TTC1: variants seen among roughly 807,000 people sequenced by gnomAD.
TTC1 encodes the protein tetratricopeptide repeat domain 1, also known as tetratricopeptide repeat protein 1.
A neutral mutation model predicts 37.6 loss-of-function variants in TTC1; 31 were observed. The observed-to-expected ratio is 0.82, with a 90% CI of 0.62 to 1.11. The LOEUF (loss-of-function observed/expected upper bound fraction) is 1.11. TTC1 is among the 50% of genes most tolerant of loss of function. The pLI is 0.00. For synonymous variants in TTC1, 127 were observed against 122.4 expected, an observed-to-expected ratio of 1.04 and a Z score of -0.25; for missense variants, 351 against 339.0, an observed-to-expected ratio of 1.04 and a Z score of -0.28.
chr5:160,038,863 A>G (rs1366427367), intron 4 of TTC1: 2 of 151,950 alleles, frequency 1.3e-5, no homozygotes, highest in African/African-American at 4.8e-5. Context: ...GAGTTTCACC[A>G]TGTTGGTCAA....
chr5:160,063,692 C>G (rs1040681486), intron 7 of TTC1: 1 of 152,184 alleles, frequency 6.6e-6, no homozygotes, highest in Admixed American at 6.5e-5. Context: ...AAAATTAAAG[C>G]AGTTTAGAAA....
At chr5:160,039,274 G>C (rs1207748432) in intron 4 of TTC1, 1 of 148,826 alleles carries the variant, frequency 6.7e-6, no homozygotes, top group Non-Finnish European at 1.5e-5. Context: ...TAAAAGAGTA[G>C]GTTCTCTTTT....
At chr5:160,036,605 G>A (rs1407861406) in intron 3 of TTC1, 86 bp from the exon 4 acceptor site, 2 of 914,898 alleles carry the variant, frequency 2.2e-6, no homozygotes, top group East Asian at 5.0e-5. Context: ...CCTATGAATG[G>A]AAAACAGTGC....
intron 7 of TTC1, among the ~76,000 whole-genome samples, chr5:160,064,562 G>GC (rs1753542155): frequency 1.3e-5 from 2 of 152,226 alleles, no homozygotes; most frequent in South Asian, 4.1e-4. Context: ...ACCTGGCTTG[G>GC]CAGGGTGCCT....
At chr5:160,040,257 CAT>C (rs1294892555) in intron 4 of TTC1, among the ~76,000 whole-genome samples, 3 of 151,646 alleles carry the variant, frequency 2.0e-5, no homozygotes, top group Non-Finnish European at 4.4e-5. Context: ...AACACACACA[CAT>C]ATGTATACAC....
At chr5:160,037,035 G>A (rs1757009683) in intron 4 of TTC1, among the ~76,000 whole-genome samples, 1 of 152,136 alleles carries the variant, frequency 6.6e-6, no homozygotes, top group Non-Finnish European at 1.5e-5. Flanking sequence ...TGGAAGGAGG[G>A]CTGGCAAATT....
intron 5 of TTC1, among the ~76,000 whole-genome samples, chr5:160,043,590 CAAAAGAA>C (rs1219884718): frequency 6.6e-6 from 1 of 151,960 alleles, no homozygotes; most frequent in African/African-American, 2.4e-5. Flanking sequence ...ACCCTGTCTC[CAAAAGAA>C]AAAAGAAAAC....
chr5:160,033,230 T>C (rs918057979), intron 2 of TTC1, among the ~76,000 whole-genome samples: 3 of 152,072 alleles, frequency 2.0e-5, no homozygotes, highest in East Asian at 1.9e-4. Context: ...GCCATATTCT[T>C]ATATTTTATT....
intron 5 of TTC1, among the ~76,000 whole-genome samples, chr5:160,044,807 A>G (rs972366450): frequency 9.9e-5 from 15 of 152,162 alleles, no homozygotes; most frequent in Admixed American, 9.2e-4. Context: ...AGTAGGTCTC[A>G]GCCTTATTTT....
chr5:160,035,269 A>G (rs1756983012), intron 3 of TTC1, 69 bp downstream of exon 3: 3 of 1,323,194 alleles, frequency 2.3e-6, no homozygotes, highest in Admixed American at 2.4e-5. Context: ...GTCTGTGAAG[A>G]AACCCCAAAG....
intron 4 of TTC1, among the ~76,000 whole-genome samples, chr5:160,038,004 G>T (rs551839071): frequency 6.0e-4 from 91 of 151,158 alleles, no homozygotes; most frequent in African/African-American, 1.1e-3. Context: ...GGTTTTTTTT[G>T]TTGTTGTTGT....
At chr5:160,045,547 C>G (rs1757216024) in intron 5 of TTC1, among the ~76,000 whole-genome samples, 1 of 146,518 alleles carries the variant, frequency 6.8e-6, no homozygotes, top group Non-Finnish European at 1.5e-5. Flanking sequence ...CTCTCTCTCT[C>G]TCTCTCCCCC....
In TTC1 at chr5:160,055,248, CTGTA is replaced by C. The variant is rs530227210; in HGVS notation, c.745+4071_745+4074del. On this transcript the variant is annotated intron_variant, in intron 7 of 7. Transcript: ENST00000231238. ...AAGCAAGTGAAATTGTCAATAAAAT[CTGTA>C]TGTATATATTTTTGGTTCTTCCTTG... Among the ~76,000 whole-genome samples, 237 of 152,290 alleles carry C rather than the reference CTGTA, an allele frequency of 1.6e-3. 3 individuals carry two copies. Among genetic ancestry groups the C allele is most frequent in the African/African-American group, 5.5e-3 (229 of 41,554 alleles).
rs564978850 is a variant in TTC1 at position 160,021,982 on chromosome 5, C to T, written c.330+11124C>T. 1.2e-4 allele frequency among the ~76,000 whole-genome samples: 19 copies of T among 152,150 alleles called. No individual in the cohort carries two copies. In the Middle Eastern group the frequency reaches 0.01, roughly 82 times the overall value. On this transcript the variant is annotated intron_variant, in intron 2 of 7. Transcript: ENST00000231238. Reference sequence around the variant, plus strand: ...ACTGTGCTTGGCATAAAGTGTATGCCGTTTTATTTTGTAGCAATTACTTCA... The same window carrying T: ...ACTGTGCTTGGCATAAAGTGTATGCTGTTTTATTTTGTAGCAATTACTTCA...
At chr5:160,055,921 GCT>G (rs1195648940) in intron 7 of TTC1, among the ~76,000 whole-genome samples, 1 of 152,242 alleles carries the variant, frequency 6.6e-6, no homozygotes, top group African/African-American at 2.4e-5. Flanking sequence ...TCAGATCTCA[GCT>G]CTCTATTTGG....
At chr5:160,025,698 C>G (rs1258210845) in intron 2 of TTC1, among the ~76,000 whole-genome samples, 1 of 152,220 alleles carries the variant, frequency 6.6e-6, no homozygotes. Flanking sequence ...TTTATTTCCA[C>G]ACCTGTGGAA....
chr5:160,045,652 T>C (rs575292156), intron 5 of TTC1, among the ~76,000 whole-genome samples: 9 of 151,796 alleles, frequency 5.9e-5, no homozygotes, highest in Non-Finnish European at 8.8e-5. Context: ...ATCCTTGACA[T>C]AAAGTTTAAG....
chr5:160,060,595 AGTGGAAAGT>A (rs899337151), intron 7 of TTC1, among the ~76,000 whole-genome samples: 6 of 152,234 alleles, frequency 3.9e-5, no homozygotes, highest in Non-Finnish European at 7.3e-5. Flanking sequence ...TTTGACAGCC[AGTGGAAAGT>A]GTGGCAGATA....
chr5:160,024,296 C>CA (rs1756763314), intron 2 of TTC1, among the ~76,000 whole-genome samples: 1 of 151,992 alleles, frequency 6.6e-6, no homozygotes, highest in Non-Finnish European at 1.5e-5. Context: ...CAGAAAGTAG[C>CA]AAAAAATAGA....
Sources: allele counts gnomAD v4.1 joint callset (sites outside exome capture counted in the v4.1 genomes callset), GRCh38; gene constraint gnomAD v4.1.1; transcripts MANE v1.5; gene names NCBI Gene and HGNC (gene_info 2026-07-23, HGNC 2026-07-21).